RAB3GAP2: variants seen among roughly 807,000 people sequenced by gnomAD.
The protein encoded by RAB3GAP2 is rab3 GTPase-activating protein non-catalytic subunit.
RAB3GAP2 carries 87 observed loss-of-function variants against 185.3 expected under a neutral mutation model. The ratio of observed to expected loss-of-function variants is 0.47; its 90% CI spans 0.39 to 0.56. The LOEUF is 0.56. Among genes scored for constraint, RAB3GAP2 ranks in the 20% least tolerant of loss-of-function variants. The pLI, the probability that RAB3GAP2 is intolerant of heterozygous loss-of-function variation, is 0.00. For missense variants in RAB3GAP2, 1,492 were observed against 1,638.2 expected (o/e 0.91, Z 1.54); for synonymous variants, 554 against 576.1 (o/e 0.96, Z 0.55).
At chr1:220,252,732 C>T (rs1032259347) in intron 1 of RAB3GAP2, among the ~76,000 whole-genome samples, 1 of 152,200 alleles carries the variant, frequency 6.6e-6, no homozygotes, top group East Asian at 1.9e-4. Flanking sequence ...TGAGCCCACA[C>T]CACCAGGGCC....
intron 18 of RAB3GAP2, among the ~76,000 whole-genome samples, chr1:220,184,522 A>C (rs973772639): frequency 2.0e-5 from 3 of 152,128 alleles, no homozygotes; most frequent in Admixed American, 2.0e-4. Flanking sequence ...TATAAAAGAA[A>C]TATTTATTCT....
In RAB3GAP2 at chr1:220,182,770, T is replaced by C; in HGVS notation, c.2160A>G (p.Glu720=). 1 of 1,612,428 alleles carries C rather than the reference T, an allele frequency of 6.2e-7. No individual in the cohort carries two copies. Among genetic ancestry groups the C allele is most frequent in the Non-Finnish European group, 8.5e-7 (1 of 1,179,694 alleles). Residue 720 remains glutamate (E), a synonymous_variant, in exon 20 of 35, where the codon GAA becomes GAG. Coordinates refer to ENST00000358951, the MANE Select transcript of RAB3GAP2 (RefSeq NM_012414.4). ...TTTTCTTTATGTTGAGCACATCCTT[T>C]TCATATTCTAAATATTCCAAGAATG... ...VKTFLEYLEY[E]KDVLNIKKIS...
chr1:220,163,356 T>C (rs1657999111), intron 27 of RAB3GAP2, among the ~76,000 whole-genome samples: 1 of 151,814 alleles, frequency 6.6e-6, no homozygotes, highest in South Asian at 2.1e-4. Flanking sequence ...TGAAGTCAGT[T>C]AGTAACTTAA....
chr1:220,151,333 AG>A lies in RAB3GAP2; in HGVS notation c.4099del (p.Leu1367PhefsTer11). On this transcript the variant is annotated frameshift_variant, in exon 35 of 35. Transcript: ENST00000358951. LOFTEE classifies it high-confidence loss of function. ...TAKLVNKVIE[L>X]LPEKHGQYGL... ...ATATTGCCCATGTTTTTCTGGTAAA[AG>A]CTCAATTACTTTATTTACTAGTTTA... 6.2e-7 allele frequency: 1 copy of A among 1,614,064 alleles called. No homozygotes were observed. Among genetic ancestry groups the A allele is most frequent in the East Asian group, 2.2e-5 (1 of 44,868 alleles).
At position 220,213,858 on chromosome 1, in the gene RAB3GAP2, A is replaced by G; in HGVS notation, c.302T>C (p.Val101Ala). The G allele has an allele frequency of 6.2e-7, 1 of 1,612,824 alleles. No individual in the cohort carries two copies. Among genetic ancestry groups the G allele is most frequent in the South Asian group, 1.1e-5 (1 of 91,042 alleles). The change falls in exon 3 of 35, where the codon GTG (valine) becomes GCG (alanine). Residue 101 changes from valine (V) to alanine (A), a missense_variant and splice_region_variant. Around this residue, in one of 5 missense-constraint regions of RAB3GAP2, gnomAD observed 177 missense variants for 160.6 expected, o/e 1.10. Transcript: ENST00000358951. Reference sequence around the variant, plus strand: ...GCTGAAAATAATAGGATACTCACGCACTAGAAATACAGCTTTTTGCTCTCG... The same window carrying G: ...GCTGAAAATAATAGGATACTCACGCGCTAGAAATACAGCTTTTTGCTCTCG... ...IAREQKAVFL[V>A]PKWKYSDKGK...
In RAB3GAP2 at chr1:220,211,017, A is replaced by G. The variant is rs959334848; in HGVS notation, c.387-15T>C. ...TTACACATTCCCTAAAAACAAAAACAAAATCATATGCTTACCCACTGAACT... is the reference window on the plus strand; with the variant it reads ...TTACACATTCCCTAAAAACAAAAACGAAATCATATGCTTACCCACTGAACT... On this transcript the variant is annotated splice_polypyrimidine_tract_variant and intron_variant, in intron 4 of 34. Coordinates refer to ENST00000358951, the MANE Select transcript of RAB3GAP2 (RefSeq NM_012414.4). 6.2e-7 allele frequency: 1 copy of G among 1,611,276 alleles called. No homozygotes were observed. Among genetic ancestry groups the G allele is most frequent in the Non-Finnish European group, 8.5e-7 (1 of 1,178,590 alleles).
At chr1:220,151,482 A>G (rs982462553) in intron 34 of RAB3GAP2, 76 bp from the exon 35 acceptor site, 28 of 1,604,832 alleles carry the variant, frequency 1.7e-5, no homozygotes, top group Non-Finnish European at 1.5e-5. Context: ...GTTATTACAT[A>G]AAAATGCTTT....
chr1:220,230,813 T>C (rs1399490808), intron 2 of RAB3GAP2, among the ~76,000 whole-genome samples: 1 of 152,240 alleles, frequency 6.6e-6, no homozygotes, highest in Non-Finnish European at 1.5e-5. Flanking sequence ...AATCGTGTTT[T>C]ATCTATTTCA....
chr1:220,255,235 C>G (rs1660014505), intron 1 of RAB3GAP2, among the ~76,000 whole-genome samples: 1 of 150,638 alleles, frequency 6.6e-6, no homozygotes, highest in Non-Finnish European at 1.5e-5. Context: ...AAAACAACAA[C>G]AACAACATGA....
At chr1:220,213,294 T>A (rs2102881655) in intron 3 of RAB3GAP2, among the ~76,000 whole-genome samples, 1 of 152,134 alleles carries the variant, frequency 6.6e-6, no homozygotes, top group South Asian at 2.1e-4. Context: ...ACGGAGAAAA[T>A]TTTTCTACTA....
intron 1 of RAB3GAP2, among the ~76,000 whole-genome samples, chr1:220,260,283 T>A (rs548009627): frequency 6.6e-6 from 1 of 151,374 alleles, no homozygotes; most frequent in Non-Finnish European, 1.5e-5. Context: ...TAAAGATACA[T>A]GCCCACATAT....
intron 2 of RAB3GAP2, among the ~76,000 whole-genome samples, chr1:220,228,772 G>T (rs1452319746): frequency 6.6e-6 from 1 of 152,160 alleles, no homozygotes; most frequent in African/African-American, 2.4e-5. Flanking sequence ...CACCCAAAAT[G>T]GTTGTGAATG....
intron 1 of RAB3GAP2, among the ~76,000 whole-genome samples, chr1:220,246,616 T>C (rs867014983): frequency 9.1e-6 from 1 of 109,758 alleles, no homozygotes; most frequent in South Asian, 3.5e-4. Flanking sequence ...TCATGTCCTT[T>C]GTAGGGACAT....
chr1:220,209,316 C>A (rs1427481751), intron 7 of RAB3GAP2, among the ~76,000 whole-genome samples: 1 of 152,220 alleles, frequency 6.6e-6, no homozygotes, highest in South Asian at 2.1e-4. Flanking sequence ...TACTTTATAA[C>A]ATAAGTTTCT....
In RAB3GAP2 at chr1:220,148,339, CAATG is replaced by C. The variant is rs1335628505; in HGVS notation, c.*2908_*2911del. On this transcript the variant is annotated 3_prime_UTR_variant, in exon 35 of 35. Transcript: ENST00000358951. The stretch of plus-strand genomic sequence containing the variant: ...ACTAATATACATAAGAAGTTCACAA[CAATG>C]AACAGACAGAAAATAGCAGTATATA... 1.3e-5 allele frequency: 2 copies of C among 152,484 alleles called. No individual in the cohort carries two copies. The highest frequency in any genetic ancestry group is 2.9e-5 in the Non-Finnish European group (2 of 68,280). 9.4% of individuals were successfully genotyped at this position (152,484 alleles called of 1,614,324 possible).
At position 220,177,841 on chromosome 1, in the gene RAB3GAP2, G is replaced by C. The variant is rs12410707; in HGVS notation, c.2310+4416C>G. 6.5e-3 allele frequency among the ~76,000 whole-genome samples: 991 copies of C among 152,172 alleles called. 8 individuals are homozygous for C. The highest frequency in any genetic ancestry group is 0.021 in the South Asian group (99 of 4,820). ...AACAACATCAAAAGAGCAAATATTG[G>C]GGTTACTGGAGTTAAAGAGAGAACT... is the stretch of plus-strand genomic sequence containing the variant. On this transcript the variant is annotated intron_variant, in intron 21 of 34. Coordinates refer to ENST00000358951, the MANE Select transcript of RAB3GAP2 (RefSeq NM_012414.4).
chr1:220,208,734 T>G (rs1659021531), intron 7 of RAB3GAP2, among the ~76,000 whole-genome samples: 1 of 151,680 alleles, frequency 6.6e-6, no homozygotes, highest in Non-Finnish European at 1.5e-5. Flanking sequence ...TTTTTTTTTT[T>G]GAGACGGAGT....
In RAB3GAP2 at chr1:220,213,743, G is replaced by GAGA. The variant is rs550502152; in HGVS notation, c.304+112_304+113insTCT. The GAGA allele has an allele frequency of 6.9e-3, 6,673 of 971,516 alleles. 419 individuals carry two copies. The African/African-American group carries it at 0.13, about 18-fold the overall frequency. 60.2% of individuals were successfully genotyped at this position (971,516 alleles called of 1,614,324 possible). ...GGCGGAGGAGGAGTTGGGGGGGGGG[G>GAGA]GAGAGAGAGAGAAATAAATAAATAA... On this transcript the variant is annotated intron_variant, in intron 3 of 34. Transcript: ENST00000358951.
intron 1 of RAB3GAP2, among the ~76,000 whole-genome samples, chr1:220,242,587 T>TGATATAATTA (rs372881351): frequency 6.6e-6 from 1 of 152,326 alleles, no homozygotes; most frequent in Non-Finnish European, 1.5e-5. Context: ...TGTGTCAATG[T>TGATATAATTA]AGCATAACTT....
Sources: allele counts gnomAD v4.1 joint callset (sites outside exome capture counted in the v4.1 genomes callset), GRCh38; gene constraint gnomAD v4.1.1; regional missense constraint gnomAD v4.1.1; transcripts MANE v1.5; gene names NCBI Gene and HGNC (gene_info 2026-07-23, HGNC 2026-07-21).